PARL: variants seen among roughly 807,000 people sequenced by gnomAD.
The protein encoded by PARL is presenilin-associated rhomboid-like protein, mitochondrial.
A neutral mutation model predicts 51.6 loss-of-function variants in PARL; 44 were observed. That is an observed-to-expected ratio of 0.85 (90% CI 0.67 to 1.10). The LOEUF (loss-of-function observed/expected upper bound fraction) is 1.10. PARL is among the 50% of genes least tolerant of loss of function. The probability of loss-of-function intolerance (pLI) is 0.00; values close to 1 mark genes in which losing one functional copy is unlikely to be tolerated. For missense variants in PARL, 441 were observed against 469.5 expected, an observed-to-expected ratio of 0.94 and a Z score of 0.56; for synonymous variants, 172 against 164.0, an observed-to-expected ratio of 1.05 and a Z score of -0.37.
rs138447481 is a variant in PARL at position 183,868,423 on chromosome 3, G to A, written c.126-363C>T. 4.7e-4 allele frequency among the ~76,000 whole-genome samples: 71 copies of A among 150,922 alleles called. No homozygotes were observed. In the East Asian group the frequency reaches 7.6e-3, roughly 16 times the overall value. On this transcript the variant is annotated intron_variant, in intron 1 of 9. Coordinates refer to ENST00000317096, the MANE Select transcript of PARL (RefSeq NM_018622.7). The stretch of plus-strand genomic sequence containing the variant: ...TTTTTTTGAGACAGGGTCTCCCTCC[G>A]TCGCCCAGGCTAGAGTACGATTACT...
intron 1 of PARL, among the ~76,000 whole-genome samples, chr3:183,871,499 T>G: frequency 8.7e-6 from 1 of 114,350 alleles, no homozygotes; most frequent in East Asian, 2.5e-4. Context: ...ATTCATATAA[T>G]GGAATATTAC....
chr3:183,833,604 G>A lies in PARL; in HGVS notation c.931-15C>T, dbSNP rs1560369346. On this transcript the variant is annotated splice_polypyrimidine_tract_variant and intron_variant, in intron 8 of 9. Coordinates refer to ENST00000317096, the MANE Select transcript of PARL (RefSeq NM_018622.7). ...GCTTTCAGGGCCTGAAAGGCAGCAA[G>A]AAACAAGCGGCACAACTGTGATTGC... 2 of 1,581,564 alleles carry A rather than the reference G, an allele frequency of 1.3e-6. No homozygotes were observed. The highest frequency in any genetic ancestry group is 3.3e-5 in the Admixed American group (2 of 59,992).
chr3:183,841,013 G>A (rs1210808670), intron 6 of PARL, among the ~76,000 whole-genome samples: 2 of 152,104 alleles, frequency 1.3e-5, no homozygotes, highest in African/African-American at 4.8e-5. Flanking sequence ...AGTCTGACCT[G>A]CTGCATGATC....
chr3:183,869,458 T>C (rs930936430), intron 1 of PARL, among the ~76,000 whole-genome samples: 6 of 152,176 alleles, frequency 3.9e-5, no homozygotes, highest in African/African-American at 1.2e-4. Context: ...TCCACCCGCA[T>C]TGGCCTCCCA....
chr3:183,878,729 G>T (rs542306250), intron 1 of PARL, among the ~76,000 whole-genome samples: 93 of 152,244 alleles, frequency 6.1e-4, no homozygotes, highest in African/African-American at 2.2e-3. Context: ...TTGTAATTTA[G>T]TAGGTCTGGG....
intron 3 of PARL, 140 bp from the exon 4 acceptor site, chr3:183,862,941 G>T (rs536308590): frequency 1.4e-6 from 1 of 730,536 alleles, no homozygotes; most frequent in South Asian, 1.5e-5. Context: ...TAATAAATAC[G>T]TGGTAGAGTG....
At chr3:183,858,682 G>A (rs1731439789) in intron 4 of PARL, among the ~76,000 whole-genome samples, 1 of 152,088 alleles carries the variant, frequency 6.6e-6, no homozygotes, top group Non-Finnish European at 1.5e-5. Context: ...ATTCTCTCTG[G>A]GGGTTGCCTG....
chr3:183,835,760 G>A (rs1168423805), intron 7 of PARL, among the ~76,000 whole-genome samples: 6 of 151,970 alleles, frequency 3.9e-5, no homozygotes, highest in Admixed American at 1.3e-4. Context: ...CCAGCTACTC[G>A]GAAGGCTGAG....
intron 1 of PARL, among the ~76,000 whole-genome samples, chr3:183,868,592 A>G (rs1200714848): frequency 6.6e-6 from 1 of 152,116 alleles, no homozygotes; most frequent in Non-Finnish European, 1.5e-5. Flanking sequence ...TACCTTTTGT[A>G]GAGATGGGGT....
chr3:183,866,586 G>A (rs775232215), intron 3 of PARL, 39 bp downstream of exon 3: 23 of 1,575,962 alleles, frequency 1.5e-5, no homozygotes, highest in South Asian at 6.6e-5. Context: ...TTTTAAAACC[G>A]TGATTAACTA....
intron 3 of PARL, among the ~76,000 whole-genome samples, chr3:183,863,269 G>C (rs1466377497): frequency 6.6e-6 from 1 of 152,042 alleles, no homozygotes; most frequent in Non-Finnish European, 1.5e-5. Flanking sequence ...AATAAAAAGA[G>C]GAGGGTCCTA....
chr3:183,866,513 T>TATTACAC, intron 3 of PARL, 112 bp downstream of exon 3: 1 of 845,916 alleles, frequency 1.2e-6, no homozygotes, highest in Non-Finnish European at 2.0e-6. Flanking sequence ...CAGATTTCAT[T>TATTACAC]ATTACACATT....
chr3:183,838,665 A>T (rs764113548), intron 7 of PARL, among the ~76,000 whole-genome samples: 4 of 152,202 alleles, frequency 2.6e-5, no homozygotes, highest in Admixed American at 6.5e-5. Context: ...AGGGAAACTG[A>T]AATTCAGAGA....
At chr3:183,871,063 T>C (rs532032343) in intron 1 of PARL, among the ~76,000 whole-genome samples, 2 of 152,136 alleles carry the variant, frequency 1.3e-5, no homozygotes, top group Non-Finnish European at 2.9e-5. Flanking sequence ...TATATCTCTA[T>C]CACCAAGTCT....
intron 1 of PARL, among the ~76,000 whole-genome samples, chr3:183,882,777 T>G (rs940629977): frequency 6.6e-6 from 1 of 152,180 alleles, no homozygotes; most frequent in Non-Finnish European, 1.5e-5. Flanking sequence ...GGGCCTGCAG[T>G]AGTTTTCAGA....
intron 4 of PARL, among the ~76,000 whole-genome samples, chr3:183,849,919 A>G (rs1730370250): frequency 6.6e-6 from 1 of 152,252 alleles, no homozygotes; most frequent in Admixed American, 6.5e-5. Context: ...TTATATACCA[A>G]CAAATGAGAA....
At chr3:183,878,646 A>G (rs138840624) in intron 1 of PARL, among the ~76,000 whole-genome samples, 26 of 152,300 alleles carry the variant, frequency 1.7e-4, no homozygotes, top group African/African-American at 6.0e-4. Flanking sequence ...GCCAGAGTCA[A>G]GATCTATTCA....
intron 7 of PARL, among the ~76,000 whole-genome samples, chr3:183,837,632 T>TC (rs1229223347): frequency 6.6e-6 from 1 of 152,170 alleles, no homozygotes; most frequent in African/African-American, 2.4e-5. Context: ...AACCTGGACG[T>TC]CTACTCCTAC....
intron 5 of PARL, among the ~76,000 whole-genome samples, 198 bp downstream of exon 5, chr3:183,844,033 C>T (rs1253680332): frequency 2.0e-5 from 3 of 151,902 alleles, no homozygotes; most frequent in Non-Finnish European, 4.4e-5. Context: ...AGGAAGACTC[C>T]GTCTCAAAAA....
Sources: allele counts gnomAD v4.1 joint callset (sites outside exome capture counted in the v4.1 genomes callset), GRCh38; gene constraint gnomAD v4.1.1; transcripts MANE v1.5; gene names NCBI Gene and HGNC (gene_info 2026-07-23, HGNC 2026-07-21).